C5orf46: variants seen among roughly 807,000 people sequenced by gnomAD.
C5orf46 encodes the protein chromosome 5 open reading frame 46.
C5orf46 carries 9 observed loss-of-function variants against 8.9 expected under a neutral mutation model. The ratio of observed to expected loss-of-function variants is 1.01; its 90% CI spans 0.61 to 1.76. C5orf46 has a LOEUF of 1.76. Among genes scored for constraint, C5orf46 ranks in the 40% most tolerant of loss-of-function variants. The pLI, the probability that C5orf46 is intolerant of heterozygous loss-of-function variation, is 0.00. For synonymous variants in C5orf46, 47 were observed against 41.4 expected, an observed-to-expected ratio of 1.14 and a Z score of -0.52; for missense variants, 98 against 107.8, an observed-to-expected ratio of 0.91 and a Z score of 0.40.
At chr5:147,896,699 G>C (rs935116525) in intron 3 of C5orf46, among the ~76,000 whole-genome samples, 6 of 152,082 alleles carry the variant, frequency 3.9e-5, no homozygotes, top group Non-Finnish European at 8.8e-5. Flanking sequence ...TTCACAGGCT[G>C]AACTTGTACA....
intron 3 of C5orf46, among the ~76,000 whole-genome samples, chr5:147,894,755 TAA>T (rs370684673): frequency 6.9e-5 from 9 of 130,568 alleles, no homozygotes; most frequent in Non-Finnish European, 5.0e-5. Context: ...AAGAAATGTG[TAA>T]AAAAAAAAAA....
At chr5:147,905,634 A>C (rs1015153034) in intron 1 of C5orf46, among the ~76,000 whole-genome samples, 1 of 152,178 alleles carries the variant, frequency 6.6e-6, no homozygotes, top group South Asian at 2.1e-4. Context: ...ACAGTAAATT[A>C]ATTAATGAGA....
downstream of C5orf46, among the ~76,000 whole-genome samples, chr5:147,892,290 A>G (rs1389882002): frequency 1.3e-5 from 2 of 152,190 alleles, no homozygotes; most frequent in African/African-American, 4.8e-5. Context: ...AAACATTTCA[A>G]TGACTCTTCC....
At position 147,895,749 on chromosome 5, in the gene C5orf46, G is replaced by A. The variant is rs137986425; in HGVS notation, c.*9+1235C>T. ...TGCAAGAAGAGGCAGGCTGTTCTCT[G>A]AGAAGATGGGAATGAAGACATACAA... On this transcript the variant is annotated intron_variant, in intron 3 of 3. Transcript: ENST00000318315. Among the ~76,000 whole-genome samples, 270 of 152,264 alleles carry A rather than the reference G, an allele frequency of 1.8e-3. 1 individual carries two copies. The highest frequency in any genetic ancestry group is 6.1e-3 in the African/African-American group (255 of 41,542).
intron 2 of C5orf46, among the ~76,000 whole-genome samples, chr5:147,897,829 G>T (rs1226668416): frequency 2.0e-5 from 3 of 152,210 alleles, no homozygotes; most frequent in African/African-American, 7.2e-5. Flanking sequence ...TTGGCTTTGG[G>T]GCTAGGCATT....
chr5:147,897,319 A>G (rs1323346925), intron 2 of C5orf46, among the ~76,000 whole-genome samples: 3 of 152,236 alleles, frequency 2.0e-5, no homozygotes, highest in Non-Finnish European at 4.4e-5. Context: ...TTCCAGTAAT[A>G]TATCCCCAGC....
At chr5:147,892,709 C>G (rs1159783373), downstream of C5orf46, 1 of 152,154 alleles carries the variant, frequency 6.6e-6, no homozygotes, top group Non-Finnish European at 1.5e-5. Context: ...CAACACAAAT[C>G]CTCTCCATCA....
intron 1 of C5orf46, among the ~76,000 whole-genome samples, chr5:147,904,950 A>G (rs1757727933): frequency 6.6e-6 from 1 of 150,996 alleles, no homozygotes; most frequent in South Asian, 2.1e-4. Flanking sequence ...TAAATAATAA[A>G]TGAAAGAATG....
At chr5:147,903,985 T>A (rs1757711523) in intron 1 of C5orf46, among the ~76,000 whole-genome samples, 1 of 151,972 alleles carries the variant, frequency 6.6e-6, no homozygotes, top group Admixed American at 6.6e-5. Context: ...TGGGCTTGAG[T>A]GATCTGCCCA....
chr5:147,900,455 C>T (rs955148065), intron 2 of C5orf46, among the ~76,000 whole-genome samples: 14 of 151,820 alleles, frequency 9.2e-5, no homozygotes, highest in African/African-American at 2.4e-4. Context: ...ACACTTTCCC[C>T]GGGAAAATGC....
At chr5:147,896,621 C>A (rs917145167) in intron 3 of C5orf46, among the ~76,000 whole-genome samples, 3 of 152,112 alleles carry the variant, frequency 2.0e-5, no homozygotes, top group African/African-American at 7.2e-5. Flanking sequence ...AAATTTCACT[C>A]TTCTTATGAG....
At chr5:147,890,820 T>C (rs1319040830), downstream of C5orf46, among the ~76,000 whole-genome samples, 1 of 151,204 alleles carries the variant, frequency 6.6e-6, no homozygotes, top group Non-Finnish European at 1.5e-5. Flanking sequence ...GGGAAGTGAA[T>C]AACTCAGGTA....
chr5:147,886,082 G>A (rs1014686554), intron 2 of C5orf46: 12 of 151,944 alleles, frequency 7.9e-5, no homozygotes, highest in African/African-American at 2.9e-4. Context: ...AAACCCCAAA[G>A]GTTAAATTTT....
intron 2 of C5orf46, among the ~76,000 whole-genome samples, chr5:147,885,902 T>C (rs1048655394): frequency 2.6e-5 from 4 of 152,190 alleles, no homozygotes; most frequent in African/African-American, 9.6e-5. Context: ...AACAATTTTA[T>C]TTTAGTAGCC....
At chr5:147,900,457 G>A (rs1388600115) in intron 2 of C5orf46, among the ~76,000 whole-genome samples, 1 of 151,812 alleles carries the variant, frequency 6.6e-6, no homozygotes, top group African/African-American at 2.4e-5. Context: ...ACTTTCCCCG[G>A]GAAAATGCAA....
downstream of C5orf46, among the ~76,000 whole-genome samples, chr5:147,892,082 C>T (rs1379428459): frequency 6.6e-6 from 1 of 152,216 alleles, no homozygotes; most frequent in Non-Finnish European, 1.5e-5. Flanking sequence ...GATTAGAGCA[C>T]TGCTTTAACT....
At chr5:147,889,756 A>G (rs1015163784), downstream of C5orf46, among the ~76,000 whole-genome samples, 1 of 152,202 alleles carries the variant, frequency 6.6e-6, no homozygotes, top group Non-Finnish European at 1.5e-5. Flanking sequence ...AGCGTTACTC[A>G]ACTGGGTGAT....
chr5:147,891,730 T>C (rs1757505451), downstream of C5orf46, among the ~76,000 whole-genome samples: 1 of 152,240 alleles, frequency 6.6e-6, no homozygotes, highest in Non-Finnish European at 1.5e-5. Flanking sequence ...AGATACTGAA[T>C]ATAATAGACA....
rs955713160 is a variant in C5orf46, at chr5:147,892,774, A to G, written c.*175T>C. 6.6e-6 allele frequency: 1 copy of G among 152,220 alleles called. No homozygotes were observed. The highest frequency in any genetic ancestry group is 2.4e-5 in the African/African-American group (1 of 41,460). 9.4% of individuals were successfully genotyped at this position (152,220 alleles called of 1,614,324 possible). On this transcript the variant is annotated 3_prime_UTR_variant, in exon 4 of 4. Transcript: ENST00000318315. ...TCTAACTTTCTAAAAGCAAAAATGC[A>G]GTCAGGGTGTTCAAAATGAGTTCTG...
Sources: gnomAD v4.1 joint callset for allele counts (sites outside exome capture counted in the v4.1 genomes callset) on GRCh38, gnomAD v4.1.1 for gene constraint, MANE v1.5 for transcripts, NCBI Gene and HGNC (gene_info 2026-07-23, HGNC 2026-07-21) for gene names.